Variants in PLEKHH1 observed in about 807,000 individuals in gnomAD.
The protein encoded by PLEKHH1 is pleckstrin homology, MyTH4 and FERM domain containing H1.
In PLEKHH1, 104 loss-of-function variants were observed where a neutral mutation model predicts 160.0. The ratio of observed to expected loss-of-function variants is 0.65; its 90% CI spans 0.55 to 0.76. PLEKHH1 has a LOEUF of 0.76. Among genes scored for constraint, PLEKHH1 ranks in the 30% least tolerant of loss-of-function variants. The probability of loss-of-function intolerance (pLI) is 0.00; values close to 1 mark genes in which losing one functional copy is unlikely to be tolerated. For missense variants in PLEKHH1, 1,427 were observed against 1,724.1 expected, an observed-to-expected ratio of 0.83 and a Z score of 3.05; for synonymous variants, 619 against 678.4, an observed-to-expected ratio of 0.91 and a Z score of 1.36.
intron 4 of PLEKHH1, 86 bp downstream of exon 4, chr14:67,557,504 C>G: frequency 7.8e-7 from 1 of 1,281,830 alleles, no homozygotes; most frequent in Admixed American, 2.1e-5. Context: ...TCCGCTCAAG[C>G]CCTCTAGTGC....
At chr14:67,583,075 G>GA (rs1566764785) in intron 24 of PLEKHH1, among the ~76,000 whole-genome samples, 1 of 152,036 alleles carries the variant, frequency 6.6e-6, no homozygotes, top group Non-Finnish European at 1.5e-5. Flanking sequence ...ACTCCCATAA[G>GA]AGAGTCTGAC....
chr14:67,586,727 C>A, intron 28 of PLEKHH1: 1 of 1,082,874 alleles, frequency 9.2e-7, no homozygotes, highest in Admixed American at 3.4e-5. Context: ...GTTTGCCAAA[C>A]CTACTCCTCC....
intron 2 of PLEKHH1, among the ~76,000 whole-genome samples, chr14:67,550,987 G>T (rs191128175): frequency 1.6e-4 from 25 of 152,318 alleles, no homozygotes; most frequent in Non-Finnish European, 3.4e-4. Context: ...TTATGACAGT[G>T]GCCCTGTTTA....
chr14:67,582,287 A>G lies in PLEKHH1; in HGVS notation c.3426+77A>G. 1 of 1,605,434 alleles carries G rather than the reference A, an allele frequency of 6.2e-7. No individual in the cohort carries two copies. The highest frequency in any genetic ancestry group is 8.5e-7 in the Non-Finnish European group (1 of 1,176,864). ...TGCACCATGCAGCCTGAAACACAGG[A>G]GAGATTCTGCAGATCCTGTGGTGCT... On this transcript the variant is annotated intron_variant, in intron 24 of 28. Coordinates refer to ENST00000329153, the MANE Select transcript of PLEKHH1 (RefSeq NM_020715.3). This position sits in a 1 kb window ranked among gnomAD's most constrained non-coding sequence, Gnocchi z 5.0.
chr14:67,548,336 C>T (rs1486916760), intron 2 of PLEKHH1, among the ~76,000 whole-genome samples: 1 of 152,148 alleles, frequency 6.6e-6, no homozygotes, highest in Non-Finnish European at 1.5e-5. Context: ...AATATTAGAA[C>T]TAATACAAGG....
intron 8 of PLEKHH1, chr14:67,569,686 A>G: frequency 1.8e-6 from 1 of 566,254 alleles, no homozygotes; most frequent in Non-Finnish European, 3.2e-6. Flanking sequence ...CATGGAGGAA[A>G]AAATGGTTAA....
chr14:67,550,172 A>AAAAAAG (rs56248535), intron 2 of PLEKHH1, among the ~76,000 whole-genome samples: 1 of 151,620 alleles, frequency 6.6e-6, no homozygotes. Flanking sequence ...AAAAAAAAAA[A>AAAAAAG]TTGAAAACCA....
In PLEKHH1 at chr14:67,578,666, GCACTGCCAACTGCC is replaced by G; in HGVS notation, c.2849+36_2849+49del. 7.5e-7 allele frequency: 1 copy of G among 1,328,002 alleles called. No homozygotes were observed. Among genetic ancestry groups the G allele is most frequent in the Non-Finnish European group, 1.1e-6 (1 of 938,734 alleles). The allele number at this position is 1,328,002 out of a possible 1,614,324, so 82.3% of individuals were successfully genotyped here. A position where few individuals can be genotyped will look rare whatever the true frequency, so the allele number is the denominator to read the frequency against. ...CCTGGCCGTTTCCTCTGCCACTTGA[GCACTGCCAACTGCC>G]GCATGAATAAGAGGGATGAGAGGAG... On this transcript the variant is annotated intron_variant, in intron 20 of 28. Coordinates refer to ENST00000329153, the MANE Select transcript of PLEKHH1 (RefSeq NM_020715.3). This position sits in a 1 kb window ranked among gnomAD's most constrained non-coding sequence, Gnocchi z 5.0.
In PLEKHH1 at chr14:67,574,541, C is replaced by T; in HGVS notation, c.2088+138C>T. The stretch of plus-strand genomic sequence containing the variant: ...GAGCCTCCTCACAGTGACTCGCTGG[C>T]CAGCCCTCAAACGTGGTCTGGCCAC... On this transcript the variant is annotated intron_variant, in intron 14 of 28. Transcript: ENST00000329153. This position sits in a 1 kb window ranked among gnomAD's most constrained non-coding sequence, Gnocchi z 4.2. The T allele has an allele frequency of 1.6e-6, 1 of 643,780 alleles. No individual in the cohort carries two copies. The highest frequency in any genetic ancestry group is 2.4e-6 in the Non-Finnish European group (1 of 410,638). 39.9% of individuals were successfully genotyped at this position (643,780 alleles called of 1,614,324 possible). A position where few individuals can be genotyped will look rare whatever the true frequency, so the allele number is the denominator to read the frequency against.
chr14:67,565,296 T>A lies in PLEKHH1; in HGVS notation c.1263+2402T>A, dbSNP rs955851152. On this transcript the variant is annotated intron_variant, in intron 7 of 28. Coordinates refer to ENST00000329153, the MANE Select transcript of PLEKHH1 (RefSeq NM_020715.3). ...TCTTGCTCTGTCACTCAGGCTGGAG[T>A]GCAGTGGCACAATCACAGTCCACTG... 2.6e-5 allele frequency among the ~76,000 whole-genome samples: 4 copies of A among 152,072 alleles called. No individual in the cohort carries two copies. The East Asian group carries it at 5.8e-4, about 22-fold the overall frequency.
chr14:67,542,740 G>A (rs1387583208), intron 2 of PLEKHH1, among the ~76,000 whole-genome samples: 1 of 151,612 alleles, frequency 6.6e-6, no homozygotes, highest in African/African-American at 2.4e-5. Context: ...CGCTCTTGTT[G>A]CCCAGGCTGG....
intron 2 of PLEKHH1, among the ~76,000 whole-genome samples, chr14:67,547,077 C>T (rs1307317982): frequency 6.6e-6 from 1 of 152,132 alleles, no homozygotes; most frequent in East Asian, 1.9e-4. Flanking sequence ...TTCTTGTCTT[C>T]AAGTCTGTCT....
At chr14:67,572,346 CAAGACAT>C in intron 11 of PLEKHH1, 69 bp downstream of exon 11, 1 of 1,303,250 alleles carries the variant, frequency 7.7e-7, no homozygotes. Context: ...GCCCTCAGCA[CAAGACAT>C]AGGCAGTAGC....
chr14:67,568,699 T>A (rs1490872811), intron 7 of PLEKHH1, among the ~76,000 whole-genome samples: 1 of 152,218 alleles, frequency 6.6e-6, no homozygotes, highest in Non-Finnish European at 1.5e-5. Context: ...CCTTGTCGTG[T>A]GGCCGCAGTG....
intron 5 of PLEKHH1, among the ~76,000 whole-genome samples, chr14:67,561,308 T>G (rs897114599): frequency 6.6e-6 from 1 of 152,160 alleles, no homozygotes; most frequent in Non-Finnish European, 1.5e-5. Context: ...AGCAGCACTT[T>G]GGGAGACCTA....
intron 2 of PLEKHH1, among the ~76,000 whole-genome samples, chr14:67,543,175 A>G (rs775537938): frequency 6.6e-6 from 1 of 152,224 alleles, no homozygotes; most frequent in Non-Finnish European, 1.5e-5. Flanking sequence ...GTACAAAGGG[A>G]AAATTCAGCT....
At chr14:67,583,391 AGGATCT>A (rs2035994733) in intron 24 of PLEKHH1, among the ~76,000 whole-genome samples, 1 of 152,192 alleles carries the variant, frequency 6.6e-6, no homozygotes, top group Non-Finnish European at 1.5e-5. Context: ...GCTGTACTCT[AGGATCT>A]GTAGCATCTT....
chr14:67,581,760 T>C (rs989168651), intron 23 of PLEKHH1: 3 of 309,396 alleles, frequency 9.7e-6, no homozygotes, highest in Non-Finnish European at 6.1e-6. Context: ...AGTAGTCTCT[T>C]GGACTCTTAC....
intron 2 of PLEKHH1, among the ~76,000 whole-genome samples, chr14:67,542,476 C>G (rs1350802812): frequency 1.3e-5 from 2 of 152,168 alleles, no homozygotes; most frequent in Non-Finnish European, 2.9e-5. Context: ...TGACCCTGGG[C>G]AAGTCCCTTC....
Sources: allele counts gnomAD v4.1 joint callset (sites outside exome capture counted in the v4.1 genomes callset), GRCh38; gene constraint gnomAD v4.1.1; non-coding constraint Gnocchi (gnomAD v3.1); transcripts MANE v1.5; gene names NCBI Gene and HGNC (gene_info 2026-07-23, HGNC 2026-07-21).